The following SNX14 variants were observed in gnomAD, a reference collection of about 807,000 sequenced individuals.
SNX14 encodes sorting nexin 14.
A neutral mutation model predicts 133.8 loss-of-function variants in SNX14; 93 were observed. The observed-to-expected ratio is 0.70, with a 90% CI of 0.59 to 0.83. The LOEUF is 0.83. Among genes scored for constraint, SNX14 ranks in the 40% least tolerant of loss-of-function variants. The pLI is 0.00. For synonymous variants in SNX14, 368 were observed against 365.6 expected (o/e 1.01, Z -0.07); for missense variants, 945 against 1,094.9 (o/e 0.86, Z 1.93).
chr6:85,586,605 T>C (rs1398872996), intron 1 of SNX14, among the ~76,000 whole-genome samples: 1 of 152,152 alleles, frequency 6.6e-6, no homozygotes, highest in African/African-American at 2.4e-5. Context: ...TATAGAGACA[T>C]GGTCTTGCAC....
At chr6:85,560,272 C>T (rs1021320852) in intron 6 of SNX14, among the ~76,000 whole-genome samples, 1 of 152,116 alleles carries the variant, frequency 6.6e-6, no homozygotes, top group Non-Finnish European at 1.5e-5. Flanking sequence ...AAATGTAGTA[C>T]ATTCACACAA....
Position 85,506,025 on chromosome 6 carries a change from A to T in SNX14, c.2803-20T>A. 1 of 1,517,958 alleles carries T rather than the reference A, an allele frequency of 6.6e-7. No individual in the cohort carries two copies. Among genetic ancestry groups the T allele is most frequent in the Non-Finnish European group, 9.1e-7 (1 of 1,093,624 alleles). The allele number at this position is 1,517,958 out of a possible 1,614,324, so 94.0% of individuals were successfully genotyped here. A position where few individuals can be genotyped will look rare whatever the true frequency, so the allele number is the denominator to read the frequency against. The stretch of plus-strand genomic sequence containing the variant: ...TTGTACCTAAAGTAAAAATAAATCC[A>T]TTTAATAGAAGACAAGACACAGGTT... On this transcript the variant is annotated intron_variant, in intron 28 of 28. Transcript: ENST00000314673.
chr6:85,567,730 C>A (rs1794326554), intron 4 of SNX14, 153 bp from the exon 5 acceptor site: 1 of 450,254 alleles, frequency 2.2e-6, no homozygotes, highest in Non-Finnish European at 3.9e-6. Context: ...CACCTGTAAT[C>A]CCAGCACTTT....
intron 1 of SNX14, among the ~76,000 whole-genome samples, chr6:85,587,053 A>T (rs1428677653): frequency 6.6e-6 from 1 of 151,990 alleles, no homozygotes; most frequent in Non-Finnish European, 1.5e-5. Flanking sequence ...CTCAAAAAAA[A>T]GAAAGAGAGA....
At chr6:85,560,818 G>C (rs549279560) in intron 6 of SNX14, among the ~76,000 whole-genome samples, 66 of 152,194 alleles carry the variant, frequency 4.3e-4, no homozygotes, top group African/African-American at 1.4e-3. Context: ...TGAATCACTT[G>C]AAGTCAGGAG....
At chr6:85,531,891 GGT>G (rs1436343529) in intron 18 of SNX14, among the ~76,000 whole-genome samples, 3 of 152,054 alleles carry the variant, frequency 2.0e-5, no homozygotes, top group Non-Finnish European at 4.4e-5. Flanking sequence ...AGCTGGGCGT[GGT>G]GACATGCACC....
Position 85,506,614 on chromosome 6 carries a change from T to A in SNX14, c.2803-609A>T, listed in dbSNP as rs566311353. On this transcript the variant is annotated intron_variant, in intron 28 of 28. Coordinates refer to ENST00000314673, the MANE Select transcript of SNX14 (RefSeq NM_153816.6). ...TACAGGCGTGAGCCACCGTGCCCAGTCAACTTGAAAGTTTATAATAAGTAA... is the reference window on the plus strand; with the variant it reads ...TACAGGCGTGAGCCACCGTGCCCAGACAACTTGAAAGTTTATAATAAGTAA... Among the ~76,000 whole-genome samples, 3 of 152,262 alleles carry A rather than the reference T, an allele frequency of 2.0e-5. No homozygotes were observed. The South Asian group carries it at 6.2e-4, about 32-fold the overall frequency.
intron 1 of SNX14, among the ~76,000 whole-genome samples, chr6:85,576,642 G>A (rs1348134925): frequency 2.0e-5 from 3 of 152,222 alleles, no homozygotes; most frequent in Non-Finnish European, 2.9e-5. Flanking sequence ...GGAGTGAGAA[G>A]AGAATGATGC....
intron 28 of SNX14, among the ~76,000 whole-genome samples, chr6:85,506,383 C>A (rs925574652): frequency 6.6e-6 from 1 of 151,502 alleles, no homozygotes; most frequent in Non-Finnish European, 1.5e-5. Flanking sequence ...ATGGCATGAT[C>A]TCGGCTCACT....
At chr6:85,558,375 C>A (rs1270737650) in intron 6 of SNX14, among the ~76,000 whole-genome samples, 1 of 152,058 alleles carries the variant, frequency 6.6e-6, no homozygotes, top group East Asian at 1.9e-4. Flanking sequence ...ACTTATTATC[C>A]CTTTGATGCT....
Position 85,508,065 on chromosome 6 carries a change from C to T in SNX14, c.2654-6G>A, listed in dbSNP as rs2127750079. The T allele has an allele frequency of 6.2e-7, 1 of 1,610,174 alleles. No individual in the cohort carries two copies. Among genetic ancestry groups the T allele is most frequent in the Non-Finnish European group, 8.5e-7 (1 of 1,178,132 alleles). ...AATACACTTGACTAACAGATCTAAA[C>T]AAAAAGGCCAAATGTGAAATAATTT... On this transcript the variant is annotated splice_region_variant and splice_polypyrimidine_tract_variant and intron_variant, in intron 26 of 28. Transcript: ENST00000314673.
intron 16 of SNX14, 80 bp downstream of exon 16, chr6:85,538,758 T>C: frequency 7.6e-7 from 1 of 1,312,754 alleles, no homozygotes; most frequent in Non-Finnish European, 1.1e-6. Flanking sequence ...ATTTTTTTCC[T>C]TTTTATTTGT....
At chr6:85,541,272 C>T (rs564423892) in intron 15 of SNX14, among the ~76,000 whole-genome samples, 3 of 152,238 alleles carry the variant, frequency 2.0e-5, no homozygotes, top group South Asian at 2.1e-4. Context: ...GGATTACAGG[C>T]GTGAGCCACC....
chr6:85,593,460 C>T, intron 1 of SNX14, 119 bp downstream of exon 1: 1 of 1,408,952 alleles, frequency 7.1e-7, no homozygotes, highest in South Asian at 1.5e-5. Context: ...GCGGAGCTCG[C>T]TCTCCCCACT....
chr6:85,556,472 CTT>C (rs371881772), intron 7 of SNX14, among the ~76,000 whole-genome samples: 8 of 136,900 alleles, frequency 5.8e-5, no homozygotes, highest in Admixed American at 7.5e-5. Context: ...TCACATTCAT[CTT>C]TTTTTTTTTT....
rs1182614556 is a variant in SNX14 at position 85,549,873 on chromosome 6, T to C, written c.641A>G (p.Asn214Ser). ...AGCAGCTTGCTGTAAAAACTCTGTATTTTTTACTATAGAGATTAAAGATAA... is the reference window on the plus strand; with the variant it reads ...AGCAGCTTGCTGTAAAAACTCTGTACTTTTTACTATAGAGATTAAAGATAA... ...VIVKARQKVK[N>S]TEFLQQAALE... The change falls in exon 8 of 29, where the codon AAT becomes AGT. Residue 214 changes from asparagine (N) to serine (S), a missense_variant. Asn to Ser is a conservative substitution (Grantham distance 46). This residue lies in a region of SNX14 where 514 missense variants were observed against 538.8 expected (regional missense o/e 0.95). Transcript: ENST00000314673. The C allele has an allele frequency of 1.2e-6, 2 of 1,600,730 alleles. No homozygotes were observed. The highest frequency in any genetic ancestry group is 8.5e-7 in the Non-Finnish European group (1 of 1,174,816).
chr6:85,559,577 A>G (rs1790864659), intron 6 of SNX14, among the ~76,000 whole-genome samples: 1 of 152,246 alleles, frequency 6.6e-6, no homozygotes, highest in South Asian at 2.1e-4. Context: ...TGTAGAAGGA[A>G]TAAGATGACC....
intron 7 of SNX14, among the ~76,000 whole-genome samples, chr6:85,552,636 G>C (rs1266388755): frequency 6.6e-6 from 1 of 152,054 alleles, no homozygotes; most frequent in Non-Finnish European, 1.5e-5. Flanking sequence ...CAAGATGTTT[G>C]GTTCCCTACA....
chr6:85,585,362 T>G (rs1009521688), intron 1 of SNX14, among the ~76,000 whole-genome samples: 1 of 151,568 alleles, frequency 6.6e-6, no homozygotes. Context: ...TCTGCACATG[T>G]ATCCCAGAAC....
Sources: gnomAD v4.1 joint callset for allele counts (sites outside exome capture counted in the v4.1 genomes callset) on GRCh38, gnomAD v4.1.1 for gene constraint, gnomAD v4.1.1 regional missense constraint, MANE v1.5 for transcripts, NCBI Gene and HGNC (gene_info 2026-07-23, HGNC 2026-07-21) for gene names.